Variants in FAM185A observed in about 807,000 individuals in gnomAD.
FAM185A encodes protein FAM185A.
FAM185A carries 21 observed loss-of-function variants against 45.7 expected under a neutral mutation model. That is an observed-to-expected ratio of 0.46 (90% CI 0.33 to 0.66). The LOEUF (loss-of-function observed/expected upper bound fraction) is 0.66. FAM185A is among the 30% of genes least tolerant of loss of function. The probability of loss-of-function intolerance (pLI) is 0.03; values close to 1 mark genes in which losing one functional copy is unlikely to be tolerated. For missense variants in FAM185A, 305 were observed against 485.4 expected, an observed-to-expected ratio of 0.63 and a Z score of 3.49; for synonymous variants, 117 against 194.0, an observed-to-expected ratio of 0.60 and a Z score of 3.30.
chr7:102,781,739 A>C (rs1372184618), intron 6 of FAM185A, among the ~76,000 whole-genome samples: 1 of 152,238 alleles, frequency 6.6e-6, no homozygotes, highest in Admixed American at 6.5e-5. Flanking sequence ...GAAACTCTCA[A>C]AATCAGAGCA....
intron 7 of FAM185A, among the ~76,000 whole-genome samples, chr7:102,791,666 G>A (rs1331976643): frequency 1.3e-4 from 19 of 151,940 alleles, no homozygotes; most frequent in African/African-American, 4.4e-4. Context: ...TATGAGGTTG[G>A]TCCCCAGATG....
the FAM185A span, among the ~76,000 whole-genome samples, chr7:102,829,234 C>T: frequency 1.3e-5 from 2 of 152,210 alleles, no homozygotes; most frequent in Non-Finnish European, 1.5e-5. Flanking sequence ...CAGGAATCCT[C>T]GGCTTCTGTT....
intron 4 of FAM185A, among the ~76,000 whole-genome samples, chr7:102,764,080 GAGA>G (rs1244861282): frequency 1.3e-5 from 2 of 152,116 alleles, no homozygotes; most frequent in Non-Finnish European, 2.9e-5. Context: ...GTACAGCAAT[GAGA>G]AGGAGAAGGG....
chr7:102,800,287 A>G (rs1377562227), intron 7 of FAM185A, among the ~76,000 whole-genome samples: 2 of 152,154 alleles, frequency 1.3e-5, no homozygotes, highest in Admixed American at 6.5e-5. Flanking sequence ...AGCCTACCCA[A>G]ATGAGAAGGA....
chr7:102,779,202 A>G (rs2129438700), intron 6 of FAM185A, among the ~76,000 whole-genome samples: 1 of 152,350 alleles, frequency 6.6e-6, no homozygotes, highest in East Asian at 1.9e-4. Context: ...GAAGAAGTTT[A>G]TGATGTGAAA....
rs1372925582 is a variant in FAM185A at position 102,796,852 on chromosome 7, C to A, written c.1066+9383C>A. Among the ~76,000 whole-genome samples the A allele has an allele frequency of 2.0e-5, 3 of 152,076 alleles. No individual in the cohort carries two copies. In the East Asian group the frequency reaches 5.8e-4, roughly 29 times the overall value. ...AGACATGGAAGATATAAAAAGAAGA[C>A]CAAAATTGAATTTCTATAAATGAAA... is the stretch of plus-strand genomic sequence containing the variant. On this transcript the variant is annotated intron_variant, in intron 7 of 7. Transcript: ENST00000413034.
At chr7:102,787,529 A>G in intron 7 of FAM185A, 60 bp downstream of exon 7, 16 of 1,339,990 alleles carry the variant, frequency 1.2e-5, no homozygotes, top group Non-Finnish European at 1.6e-5. Context: ...ATAAGTAGAA[A>G]TGTGGTACAC....
At chr7:102,821,845 A>G in the FAM185A span, among the ~76,000 whole-genome samples, 1 of 152,204 alleles carries the variant, frequency 6.6e-6, no homozygotes, top group Non-Finnish European at 1.5e-5. Context: ...TAAAAGGCCT[A>G]CTGGAAAAGG....
intron 7 of FAM185A, 77 bp downstream of exon 7, chr7:102,787,546 G>C: frequency 7.6e-7 from 1 of 1,310,700 alleles, no homozygotes; most frequent in Non-Finnish European, 9.8e-7. Flanking sequence ...ACACTTAACG[G>C]AAGTTTTAGC....
intron 6 of FAM185A, among the ~76,000 whole-genome samples, chr7:102,784,807 A>G (rs1021311659): frequency 2.0e-5 from 3 of 152,190 alleles, no homozygotes; most frequent in African/African-American, 7.2e-5. Context: ...ACTCCTCTTC[A>G]ACATAGTGTT....
At chr7:102,821,454 C>T in the FAM185A span, among the ~76,000 whole-genome samples, 1 of 152,202 alleles carries the variant, frequency 6.6e-6, no homozygotes, top group Admixed American at 6.5e-5. Flanking sequence ...TCAGCTCATG[C>T]CATAACTACT....
At chr7:102,836,342 T>C in the FAM185A span, among the ~76,000 whole-genome samples, 1 of 152,216 alleles carries the variant, frequency 6.6e-6, no homozygotes, top group Non-Finnish European at 1.5e-5. Context: ...TTTCCTCTCT[T>C]AGAATTCGTG....
the FAM185A span, among the ~76,000 whole-genome samples, chr7:102,850,087 C>T: frequency 6.6e-6 from 1 of 151,770 alleles, no homozygotes; most frequent in East Asian, 1.9e-4. Context: ...AAAATAAATA[C>T]ATGTCAGTTT....
rs576141984 is a variant in FAM185A at position 102,790,788 on chromosome 7, A to C, written c.1066+3319A>C. 5.7e-4 allele frequency among the ~76,000 whole-genome samples: 87 copies of C among 152,336 alleles called. 1 individual carries two copies. In the East Asian group the frequency reaches 0.016, roughly 28 times the overall value. On this transcript the variant is annotated intron_variant, in intron 7 of 7. Coordinates refer to ENST00000413034, the MANE Select transcript of FAM185A (RefSeq NM_001145268.2). ...CTAAACCAGTGCCACCTAAAACTTAATGTTTAAAAACAAAATTATCTTCCC... is the reference window on the plus strand; with the variant it reads ...CTAAACCAGTGCCACCTAAAACTTACTGTTTAAAAACAAAATTATCTTCCC...
chr7:102,777,033 TATAG>T (rs1394519582), intron 5 of FAM185A, among the ~76,000 whole-genome samples: 4 of 152,184 alleles, frequency 2.6e-5, no homozygotes, highest in Admixed American at 1.3e-4. Flanking sequence ...TTCAGGTTAA[TATAG>T]ATAAAGATTT....
intron 3 of FAM185A, among the ~76,000 whole-genome samples, 152 bp from the exon 4 acceptor site, chr7:102,761,121 C>A (rs1466764775): frequency 2.0e-5 from 3 of 151,986 alleles, no homozygotes; most frequent in Non-Finnish European, 2.9e-5. Context: ...TGCTCAGAAT[C>A]TCGTAATTAG....
chr7:102,806,854 T>A (rs1797144713), intron 7 of FAM185A, among the ~76,000 whole-genome samples: 1 of 151,898 alleles, frequency 6.6e-6, no homozygotes, highest in Admixed American at 6.6e-5. Context: ...ACTCCCTGAG[T>A]GGAGGAGACT....
At chr7:102,783,917 C>G (rs1001399611) in intron 6 of FAM185A, among the ~76,000 whole-genome samples, 3 of 152,028 alleles carry the variant, frequency 2.0e-5, no homozygotes, top group Admixed American at 2.0e-4. Context: ...AAAAGATCAA[C>G]AAAATTGATA....
At chr7:102,801,694 G>A (rs1354642702) in intron 7 of FAM185A, among the ~76,000 whole-genome samples, 5 of 152,194 alleles carry the variant, frequency 3.3e-5, no homozygotes, top group Non-Finnish European at 7.4e-5. Context: ...GGAGGCTGAG[G>A]CGGGTAGACT....
Sources: allele counts gnomAD v4.1 joint callset (sites outside exome capture counted in the v4.1 genomes callset), GRCh38; gene constraint gnomAD v4.1.1; transcripts MANE v1.5; gene names NCBI Gene and HGNC (gene_info 2026-07-23, HGNC 2026-07-21).